HECTD2: variants seen among roughly 807,000 people sequenced by gnomAD.
HECTD2 encodes probable E3 ubiquitin-protein ligase HECTD2.
A neutral mutation model predicts 103.2 loss-of-function variants in HECTD2; 35 were observed. The ratio of observed to expected loss-of-function variants is 0.34; its 90% CI spans 0.26 to 0.45. HECTD2 has a LOEUF of 0.45. HECTD2 is among the 20% of genes least tolerant of loss of function. The pLI, the probability that HECTD2 is intolerant of heterozygous loss-of-function variation, is 1.00. For missense variants in HECTD2, 596 were observed against 937.4 expected (o/e 0.64, Z 4.76); for synonymous variants, 281 against 329.9 (o/e 0.85, Z 1.61).
Position 91,484,162 on chromosome 10 carries a change from A to G in HECTD2, c.822-345A>G, listed in dbSNP as rs1397071088. 1.2e-4 allele frequency: 68 copies of G among 556,602 alleles called. 3 individuals carry two copies. Among genetic ancestry groups the G allele is most frequent in the South Asian group, 1.1e-3 (47 of 43,146 alleles). The allele number at this position is 556,602 out of a possible 1,614,324, so 34.5% of individuals were successfully genotyped here. A position where few individuals can be genotyped will look rare whatever the true frequency, so the allele number is the denominator to read the frequency against. On this transcript the variant is annotated intron_variant, in intron 8 of 20. Transcript: ENST00000298068. The stretch of plus-strand genomic sequence containing the variant: ...GACTAACATCTTTCACATGTCCCCA[A>G]ATGACCATGAAAACACAAGTATTGA...
intron 20 of HECTD2, among the ~76,000 whole-genome samples, chr10:91,508,361 A>G (rs1320634326): frequency 2.7e-5 from 4 of 149,192 alleles, no homozygotes; most frequent in Non-Finnish European, 6.0e-5. Context: ...GAAAATTTTC[A>G]CAACCTACTC....
At chr10:91,475,567 A>G (rs761919692) in intron 5 of HECTD2, among the ~76,000 whole-genome samples, 2 of 152,214 alleles carry the variant, frequency 1.3e-5, no homozygotes, top group Non-Finnish European at 2.9e-5. Context: ...TAATATGCCT[A>G]TTTGGAATGA....
At chr10:91,489,818 G>A (rs1340984750) in intron 11 of HECTD2, 1 of 152,154 alleles carries the variant, frequency 6.6e-6, no homozygotes, top group Admixed American at 6.5e-5. Context: ...AAAATTGTAA[G>A]TAGCCTTAAA....
chr10:91,451,240 A>G (rs775732878), intron 2 of HECTD2, among the ~76,000 whole-genome samples: 1 of 152,148 alleles, frequency 6.6e-6, no homozygotes. Context: ...ACGAAGCTGG[A>G]AAGCATTATT....
intron 1 of HECTD2, among the ~76,000 whole-genome samples, chr10:91,415,577 T>C (rs1412832376): frequency 2.0e-5 from 3 of 152,152 alleles, no homozygotes; most frequent in Admixed American, 6.5e-5. Context: ...TGTACCTTGC[T>C]AAGGAGTAAA....
In HECTD2 at chr10:91,512,449, C is replaced by G. The variant is rs1589561604; in HGVS notation, c.*65C>G. ...CACTTCCCTCTTACTGTGCCTTTAG[C>G]CTTTTCATGTTTCTGTCTCAAAACA... On this transcript the variant is annotated 3_prime_UTR_variant, in exon 21 of 21. Transcript: ENST00000298068. 1 of 1,375,560 alleles carries G rather than the reference C, an allele frequency of 7.3e-7. No homozygotes were observed. Among genetic ancestry groups the G allele is most frequent in the Non-Finnish European group, 1.0e-6 (1 of 1,004,806 alleles). The allele number at this position is 1,375,560 out of a possible 1,614,324, so 85.2% of individuals were successfully genotyped here.
At chr10:91,431,612 C>G (rs575936015) in intron 2 of HECTD2, among the ~76,000 whole-genome samples, 2 of 151,930 alleles carry the variant, frequency 1.3e-5, no homozygotes, top group African/African-American at 4.8e-5. Flanking sequence ...CTTCCCTTCT[C>G]ACTTCATTTC....
intron 9 of HECTD2, 22 bp from the exon 10 acceptor site, chr10:91,485,158 A>G (rs1265969611): frequency 1.3e-6 from 2 of 1,485,450 alleles, no homozygotes; most frequent in Non-Finnish European, 1.8e-6. Context: ...AAAAGTCTTT[A>G]TGTTAGAATT....
At chr10:91,421,691 C>G (rs983418801) in intron 1 of HECTD2, among the ~76,000 whole-genome samples, 1 of 152,198 alleles carries the variant, frequency 6.6e-6, no homozygotes. Flanking sequence ...GCGAAGCATA[C>G]TTTTGCCTAG....
chr10:91,462,455 T>C, intron 5 of HECTD2: 1 of 1,220,698 alleles, frequency 8.2e-7, no homozygotes, highest in Non-Finnish European at 1.0e-6. Context: ...GGAGGTAAGT[T>C]ATTTAATTAT....
chr10:91,413,409 A>G (rs1238882254), intron 1 of HECTD2, among the ~76,000 whole-genome samples: 1 of 152,196 alleles, frequency 6.6e-6, no homozygotes, highest in Non-Finnish European at 1.5e-5. Flanking sequence ...TTGGTAGCAT[A>G]TTAAAGTCCT....
intron 1 of HECTD2, among the ~76,000 whole-genome samples, chr10:91,422,442 T>A (rs1843395685): frequency 6.6e-6 from 1 of 152,210 alleles, no homozygotes; most frequent in African/African-American, 2.4e-5. Context: ...ACAAATTGGT[T>A]ACTTTCTTAT....
intron 5 of HECTD2, among the ~76,000 whole-genome samples, chr10:91,471,777 G>A (rs911182382): frequency 1.3e-5 from 2 of 152,102 alleles, no homozygotes; most frequent in African/African-American, 4.8e-5. Flanking sequence ...CATTAACAAT[G>A]AGAATTACAA....
In HECTD2 at chr10:91,417,527, C is replaced by G. The variant is rs542447479; in HGVS notation, c.138+6951C>G. Among the ~76,000 whole-genome samples, 50 of 152,204 alleles carry G rather than the reference C, an allele frequency of 3.3e-4. No homozygotes were observed. The South Asian group carries it at 8.9e-3, about 27-fold the overall frequency. On this transcript the variant is annotated intron_variant, in intron 1 of 20. Transcript: ENST00000298068. Reference sequence around the variant, plus strand: ...CTAATGCTATCCCTCCCCGCCCCCCCACAACAGGCCCGGGTGTGTGATGTT... The same window carrying G: ...CTAATGCTATCCCTCCCCGCCCCCCGACAACAGGCCCGGGTGTGTGATGTT...
chr10:91,472,906 TGGAA>T (rs1375409354), intron 5 of HECTD2, among the ~76,000 whole-genome samples: 1 of 151,860 alleles, frequency 6.6e-6, no homozygotes, highest in African/African-American at 2.4e-5. Flanking sequence ...ATTAGTAAAC[TGGAA>T]GGTAGAAGTG....
In HECTD2 at chr10:91,514,344, T is replaced by C. The variant is rs1847533160; in HGVS notation, c.*1960T>C. On this transcript the variant is annotated 3_prime_UTR_variant, in exon 21 of 21. Coordinates refer to ENST00000298068, the MANE Select transcript of HECTD2 (RefSeq NM_182765.6). ...AAGTCCATAAATAACTAGAGAATTTTTGTTATCTGTTGTTAAGTTGAAATG... is the reference window on the plus strand; with the variant it reads ...AAGTCCATAAATAACTAGAGAATTTCTGTTATCTGTTGTTAAGTTGAAATG... The C allele has an allele frequency of 6.6e-6, 1 of 152,608 alleles. No homozygotes were observed. The highest frequency in any genetic ancestry group is 2.4e-5 in the African/African-American group (1 of 41,448). The allele number at this position is 152,608 out of a possible 1,614,324, so 9.5% of individuals were successfully genotyped here.
rs1297554431 is a variant in HECTD2, at chr10:91,491,266, A to G, written c.1258A>G (p.Lys420Glu). Residue 420 changes from lysine (K) to glutamate (E), a missense_variant, in exon 12 of 21, where the codon AAA becomes GAA. Coordinates refer to ENST00000298068, the MANE Select transcript of HECTD2 (RefSeq NM_182765.6). ...TATGAATATATTATTTCTAAATATGAAAGTAAGACGGACACATCTGGTTAG... is the reference window on the plus strand; with the variant it reads ...TATGAATATATTATTTCTAAATATGGAAGTAAGACGGACACATCTGGTTAG... ...PDMNILFLNM[K>E]VRRTHLVSDS... The G allele has an allele frequency of 6.3e-6, 10 of 1,577,286 alleles. No individual in the cohort carries two copies. The highest frequency in any genetic ancestry group is 2.7e-5 in the African/African-American group (2 of 73,928).
chr10:91,512,097 A>G (rs1375609566), intron 20 of HECTD2, among the ~76,000 whole-genome samples, 167 bp from the exon 21 acceptor site: 1 of 152,186 alleles, frequency 6.6e-6, no homozygotes, highest in Non-Finnish European at 1.5e-5. Context: ...GTCTGATACA[A>G]AGTGAGGTAC....
At position 91,483,049 on chromosome 10, in the gene HECTD2, A is replaced by G; in HGVS notation, c.794A>G (p.His265Arg). The change falls in exon 8 of 21, where the codon CAT becomes CGT. Residue 265 changes from histidine to arginine, a missense_variant. Physicochemically the swap from His to Arg is conservative, Grantham distance 29. Coordinates refer to ENST00000298068, the MANE Select transcript of HECTD2 (RefSeq NM_182765.6). ...ATAGCTACCTTAGTGGAAGCTGACCATCATTTCCTAGTTCACTGGTTTAAA... is the reference window on the plus strand; with the variant it reads ...ATAGCTACCTTAGTGGAAGCTGACCGTCATTTCCTAGTTCACTGGTTTAAA... ...RQIATLVEAD[H>R]HFLVHWFKKL... 3 of 1,565,126 alleles carry G rather than the reference A, an allele frequency of 1.9e-6. No homozygotes were observed. Among genetic ancestry groups the G allele is most frequent in the South Asian group, 1.1e-5 (1 of 89,256 alleles).
Sources: allele counts gnomAD v4.1 joint callset (sites outside exome capture counted in the v4.1 genomes callset), GRCh38; gene constraint gnomAD v4.1.1; transcripts MANE v1.5; gene names NCBI Gene and HGNC (gene_info 2026-07-23, HGNC 2026-07-21).